Variants in CTIF observed in about 807,000 individuals in gnomAD.
The protein encoded by CTIF is CBP80/20-dependent translation initiation factor.
Under a neutral mutation model 66.0 loss-of-function variants are expected in CTIF, and 21 were observed. The observed-to-expected ratio is 0.32, with a 90% confidence interval of 0.23 to 0.46. The LOEUF (loss-of-function observed/expected upper bound fraction) is 0.46, where lower values mean the gene tolerates loss of function less well. Among genes scored for constraint, CTIF ranks in the 20% least tolerant of loss-of-function variants. The probability of loss-of-function intolerance (pLI) is 1.00; values close to 1 mark genes in which losing one functional copy is unlikely to be tolerated. For synonymous variants in CTIF, 345 were observed against 326.4 expected, an observed-to-expected ratio of 1.06 and a Z score of -0.62; for missense variants, 739 against 812.7, an observed-to-expected ratio of 0.91 and a Z score of 1.10.
chr18:48,858,993 A>G (rs2069394774), intron 11 of CTIF, among the ~76,000 whole-genome samples: 1 of 152,138 alleles, frequency 6.6e-6, no homozygotes, highest in Non-Finnish European at 1.5e-5. Context: ...CAGATCATGG[A>G]GCCATTTGAG....
chr18:48,651,222 C>T (rs992927699), intron 3 of CTIF, among the ~76,000 whole-genome samples: 1 of 152,106 alleles, frequency 6.6e-6, no homozygotes. Context: ...GAGTCAAAAC[C>T]CATCAGTGTG....
At chr18:48,682,567 A>G (rs556546086) in intron 6 of CTIF, among the ~76,000 whole-genome samples, 1 of 152,308 alleles carries the variant, frequency 6.6e-6, no homozygotes, top group African/African-American at 2.4e-5. Flanking sequence ...CTACTTCTGG[A>G]TAGTTCAGGG....
At chr18:48,572,189 C>T (rs536510512) in intron 1 of CTIF, among the ~76,000 whole-genome samples, 2 of 152,066 alleles carry the variant, frequency 1.3e-5, no homozygotes, top group South Asian at 4.2e-4. Context: ...CTCGTGGGGC[C>T]TTCAACTGAT....
chr18:48,612,885 A>G (rs2090332887), intron 1 of CTIF, among the ~76,000 whole-genome samples: 1 of 152,168 alleles, frequency 6.6e-6, no homozygotes, highest in Admixed American at 6.5e-5. Context: ...GGAAGCAGAA[A>G]TTGGGGTCTT....
chr18:48,692,956 C>T (rs2091952843), intron 6 of CTIF, among the ~76,000 whole-genome samples: 1 of 152,188 alleles, frequency 6.6e-6, no homozygotes, highest in Non-Finnish European at 1.5e-5. Flanking sequence ...CTGTGCTTAC[C>T]TTGTCTCGAC....
intron 9 of CTIF, among the ~76,000 whole-genome samples, chr18:48,797,841 C>T (rs934828144): frequency 1.4e-5 from 2 of 138,472 alleles, no homozygotes; most frequent in Admixed American, 7.0e-5. Context: ...CCAGATGCAG[C>T]TCAGCAAGGC....
chr18:48,679,440 G>A (rs1041693617), intron 6 of CTIF, among the ~76,000 whole-genome samples: 11 of 152,332 alleles, frequency 7.2e-5, no homozygotes, highest in Admixed American at 4.6e-4. Context: ...TAAGAACTGC[G>A]CTTGGAGATG....
chr18:48,645,912 C>G (rs1405175019), intron 3 of CTIF, among the ~76,000 whole-genome samples: 1 of 152,200 alleles, frequency 6.6e-6, no homozygotes, highest in East Asian at 1.9e-4. Flanking sequence ...TTTCCCCTGC[C>G]AGAGTGGTAC....
At chr18:48,762,047 T>G (rs567669825) in intron 9 of CTIF, among the ~76,000 whole-genome samples, 2 of 152,216 alleles carry the variant, frequency 1.3e-5, no homozygotes, top group South Asian at 4.1e-4. Flanking sequence ...GCTGTGGACT[T>G]CTCTTTTCCT....
intron 9 of CTIF, among the ~76,000 whole-genome samples, chr18:48,814,601 G>A (rs777269880): frequency 3.3e-5 from 5 of 152,178 alleles, no homozygotes; most frequent in Non-Finnish European, 7.3e-5. Flanking sequence ...GAATATTGTG[G>A]GATAAACAAA....
intron 7 of CTIF, among the ~76,000 whole-genome samples, chr18:48,738,327 C>A (rs2092522324): frequency 6.6e-6 from 1 of 152,190 alleles, no homozygotes; most frequent in Non-Finnish European, 1.5e-5. Context: ...TTTTCAATGT[C>A]ATTTCTTAGC....
intron 7 of CTIF, among the ~76,000 whole-genome samples, chr18:48,725,675 A>G (rs2092380184): frequency 6.6e-6 from 1 of 152,130 alleles, no homozygotes; most frequent in Non-Finnish European, 1.5e-5. Flanking sequence ...AACCCAGGGC[A>G]TGTTACTTTG....
At chr18:48,633,194 G>A (rs972094410) in intron 2 of CTIF, among the ~76,000 whole-genome samples, 4 of 152,140 alleles carry the variant, frequency 2.6e-5, no homozygotes, top group Non-Finnish European at 5.9e-5. Flanking sequence ...GGTCACCTAG[G>A]ATGGGATGAG....
chr18:48,748,720 C>G (rs1907499474), intron 7 of CTIF, among the ~76,000 whole-genome samples: 2 of 152,196 alleles, frequency 1.3e-5, no homozygotes. Flanking sequence ...GGCTTTCTCT[C>G]CAGATGAGAA....
chr18:48,834,028 CTCCTT>C, intron 10 of CTIF, among the ~76,000 whole-genome samples: 1 of 148,942 alleles, frequency 6.7e-6, no homozygotes, highest in East Asian at 2.0e-4. Flanking sequence ...CCCCTTCCCC[CTCCTT>C]TCCCCTCCCC....
intron 6 of CTIF, among the ~76,000 whole-genome samples, chr18:48,709,544 C>A (rs1481285550): frequency 1.3e-5 from 2 of 152,244 alleles, no homozygotes; most frequent in Non-Finnish European, 2.9e-5. Flanking sequence ...TGCCCGGCCT[C>A]AGAGCCGAGA....
At chr18:48,582,101 G>T (rs180794600) in intron 1 of CTIF, among the ~76,000 whole-genome samples, 1 of 151,982 alleles carries the variant, frequency 6.6e-6, no homozygotes, top group East Asian at 1.9e-4. Context: ...AGTGGGAGGC[G>T]TGGTGGGGTG....
At chr18:48,639,973 A>G (rs1407801822) in intron 3 of CTIF, among the ~76,000 whole-genome samples, 1 of 152,116 alleles carries the variant, frequency 6.6e-6, no homozygotes, top group African/African-American at 2.4e-5. Flanking sequence ...GAGTGACGGC[A>G]CCCCAAGGAA....
At chr18:48,632,376 G>A (rs756631052) in intron 2 of CTIF, among the ~76,000 whole-genome samples, 17 of 152,130 alleles carry the variant, frequency 1.1e-4, no homozygotes, top group Non-Finnish European at 1.5e-4. Flanking sequence ...GCCCGCCTCC[G>A]GCTTTGTTGG....
Sources: gnomAD v4.1 joint callset for allele counts (sites outside exome capture counted in the v4.1 genomes callset) on GRCh38, gnomAD v4.1.1 for gene constraint, MANE v1.5 for transcripts, NCBI Gene and HGNC (gene_info 2026-07-23, HGNC 2026-07-21) for gene names.